BAIAP2: variants seen among roughly 807,000 people sequenced by gnomAD.
BAIAP2 encodes the protein BAR/IMD domain containing adaptor protein 2.
Under a neutral mutation model 63.0 loss-of-function variants are expected in BAIAP2, and 18 were observed. That is an observed-to-expected ratio of 0.29 (90% CI 0.20 to 0.42). BAIAP2 has a LOEUF of 0.42. BAIAP2 is among the 10% of genes least tolerant of loss of function. The pLI is 1.00. For synonymous variants in BAIAP2, 386 were observed against 307.6 expected (o/e 1.25, Z -2.67); for missense variants, 610 against 734.3 (o/e 0.83, Z 1.96).
At chr17:81,054,149 G>GAA (rs2049092811) in intron 2 of BAIAP2, among the ~76,000 whole-genome samples, 1 of 54,818 alleles carries the variant, frequency 1.8e-5, no homozygotes, top group Non-Finnish European at 3.4e-5. Context: ...CGGACCCCGT[G>GAA]GGGTGGGAGC....
At chr17:81,115,649 C>A in intron 13 of BAIAP2, 121 bp from the exon 14 acceptor site, 2 of 1,180,538 alleles carry the variant, frequency 1.7e-6, no homozygotes, top group Non-Finnish European at 2.5e-6. Flanking sequence ...GAGCTCTGTG[C>A]CCTGAGATCG....
intron 12 of BAIAP2, chr17:81,107,925 C>T (rs1013742417): frequency 6.9e-5 from 11 of 160,148 alleles, no homozygotes; most frequent in South Asian, 3.5e-4. Context: ...CCCTAGGCCG[C>T]GGGCCAGGCC....
Position 81,116,585 on chromosome 17 carries a change from C to T in BAIAP2, c.*746C>T. The T allele has an allele frequency of 2.1e-6, 1 of 480,074 alleles. No individual in the cohort carries two copies. The highest frequency in any genetic ancestry group is 3.8e-6 in the Non-Finnish European group (1 of 264,714). 29.7% of individuals were successfully genotyped at this position (480,074 alleles called of 1,614,324 possible). ...TGCGGGGTCACCAGCAGAGTGCCCG[C>T]TGGCAGGTGGGGGCTTCCCCGCTTC... On this transcript the variant is annotated 3_prime_UTR_variant, in exon 14 of 14. Coordinates refer to ENST00000428708, the MANE Select transcript of BAIAP2 (RefSeq NM_001144888.2).
chr17:81,102,865 G>C (rs1443427733), intron 7 of BAIAP2, among the ~76,000 whole-genome samples: 1 of 152,204 alleles, frequency 6.6e-6, no homozygotes, highest in African/African-American at 2.4e-5. Context: ...GGCCAGGAGG[G>C]GCAGGGGTTA....
At chr17:81,080,426 CT>C (rs2054405426) in intron 3 of BAIAP2, among the ~76,000 whole-genome samples, 1 of 152,238 alleles carries the variant, frequency 6.6e-6, no homozygotes, top group African/African-American at 2.4e-5. Context: ...TGGACCTCCC[CT>C]GTGTGTGCGC....
intron 4 of BAIAP2, 27 bp downstream of exon 4, chr17:81,084,920 C>T (rs765624125): frequency 2.2e-5 from 35 of 1,612,006 alleles, no homozygotes; most frequent in South Asian, 5.5e-5. Context: ...CGTGGCCCTG[C>T]GAGGAGGGGC....
chr17:81,062,198 G>C (rs148171648), intron 3 of BAIAP2, among the ~76,000 whole-genome samples: 204 of 152,258 alleles, frequency 1.3e-3, no homozygotes, highest in African/African-American at 4.6e-3. Flanking sequence ...TGATCTGCCT[G>C]CCTCGGCCTC....
At chr17:81,044,211 G>A (rs11658556) in intron 1 of BAIAP2, among the ~76,000 whole-genome samples, 12,738 of 152,336 alleles carry the variant, frequency 0.084, 754 homozygotes, top group Admixed American at 0.16. Context: ...TCCTCCAGCC[G>A]TGAGCCCAGC....
At chr17:81,061,659 C>G (rs367922769) in intron 3 of BAIAP2, among the ~76,000 whole-genome samples, 1 of 152,138 alleles carries the variant, frequency 6.6e-6, no homozygotes, top group African/African-American at 2.4e-5. Context: ...ACAGTTTGGC[C>G]GTACCCTCAT....
chr17:81,086,445 T>G lies in BAIAP2; in HGVS notation c.354T>G (p.Ala118=), dbSNP rs1249994419. ...GTGTTTTATTGTTTGAATCTCAGGC[T>G]GCGCTGAAGAAATACCAGACTGAGC... The part of the protein sequence containing the change: ...KVELDSRYLS[A]ALKKYQTEQR... Residue 118 remains alanine, a splice_region_variant and synonymous_variant, in exon 6 of 14, where the codon GCT becomes GCG. Coordinates refer to ENST00000428708, the MANE Select transcript of BAIAP2 (RefSeq NM_001144888.2). The G allele has an allele frequency of 6.2e-7, 1 of 1,613,800 alleles. No homozygotes were observed. The highest frequency in any genetic ancestry group is 8.5e-7 in the Non-Finnish European group (1 of 1,179,800).
At chr17:81,100,101 G>A (rs138845505) in intron 7 of BAIAP2, 21 bp downstream of exon 7, 97 of 1,598,600 alleles carry the variant, frequency 6.1e-5, no homozygotes, top group Non-Finnish European at 7.3e-5. Context: ...TGGGGGCTGC[G>A]CTGTGCCGGC....
intron 1 of BAIAP2, among the ~76,000 whole-genome samples, chr17:81,043,966 C>T (rs2047441834): frequency 6.6e-6 from 1 of 152,240 alleles, no homozygotes; most frequent in Non-Finnish European, 1.5e-5. Flanking sequence ...GTGGTGGCCA[C>T]GATCGCTAGC....
At chr17:81,047,153 T>C (rs189519094) in intron 1 of BAIAP2, among the ~76,000 whole-genome samples, 3 of 152,116 alleles carry the variant, frequency 2.0e-5, no homozygotes, top group Middle Eastern at 3.2e-3. Context: ...TTTCCTGATA[T>C]TACTGGAATG....
At chr17:81,105,880 G>T in intron 10 of BAIAP2, 198 bp from the exon 11 acceptor site, 1 of 548,694 alleles carries the variant, frequency 1.8e-6, no homozygotes, top group Non-Finnish European at 3.3e-6. Flanking sequence ...GACAGCCCGG[G>T]CCACCTTGCC....
At chr17:81,084,014 G>C (rs1311583661) in intron 3 of BAIAP2, 1 of 152,252 alleles carries the variant, frequency 6.6e-6, no homozygotes, top group Admixed American at 6.5e-5. Context: ...CCCGCAGGTG[G>C]ACTTGAGCCG....
At chr17:81,066,780 C>T (rs1228970614) in intron 3 of BAIAP2, among the ~76,000 whole-genome samples, 19 of 152,184 alleles carry the variant, frequency 1.2e-4, no homozygotes, top group Admixed American at 1.2e-3. Context: ...GTGTCACGGC[C>T]CCTCTGGGCT....
At chr17:81,101,017 C>T (rs4075483) in intron 7 of BAIAP2, among the ~76,000 whole-genome samples, 49,471 of 151,970 alleles carry the variant, frequency 0.33, 8,900 homozygotes, top group East Asian at 0.51. Flanking sequence ...GGCCGGTAGA[C>T]TCTTGGCCCT....
intron 2 of BAIAP2, among the ~76,000 whole-genome samples, chr17:81,054,884 C>T (rs575121509): frequency 2.0e-5 from 3 of 152,280 alleles, no homozygotes; most frequent in South Asian, 4.1e-4. Context: ...CCTGTTGGCC[C>T]CGCAGGTGCC....
At chr17:81,074,787 T>C (rs2053379877) in intron 3 of BAIAP2, among the ~76,000 whole-genome samples, 1 of 152,110 alleles carries the variant, frequency 6.6e-6, no homozygotes, top group Non-Finnish European at 1.5e-5. Flanking sequence ...CCTGTGTGTC[T>C]GTGTGCATGT....
Sources: gnomAD v4.1 joint callset for allele counts (sites outside exome capture counted in the v4.1 genomes callset) on GRCh38, gnomAD v4.1.1 for gene constraint, MANE v1.5 for transcripts, NCBI Gene and HGNC (gene_info 2026-07-23, HGNC 2026-07-21) for gene names.